Variants in PCDH15 observed in about 807,000 individuals in gnomAD.
PCDH15 encodes protocadherin-15.
Under a neutral mutation model 178.5 loss-of-function variants are expected in PCDH15, and 129 were observed. The observed-to-expected ratio is 0.72, with a 90% CI of 0.63 to 0.84. The LOEUF (loss-of-function observed/expected upper bound fraction) is 0.84. Ranked by LOEUF, PCDH15 falls within the 40% of genes least tolerant of loss-of-function variation. The pLI, the probability that PCDH15 is intolerant of heterozygous loss-of-function variation, is 0.00. For synonymous variants in PCDH15, 800 were observed against 732.0 expected (o/e 1.09, Z -1.50); for missense variants, 2,230 against 2,099.9 (o/e 1.06, Z -1.21).
At chr10:54,543,690 G>T (rs2085518801) in intron 2 of PCDH15, among the ~76,000 whole-genome samples, 1 of 151,816 alleles carries the variant, frequency 6.6e-6, no homozygotes, top group Non-Finnish European at 1.5e-5. Context: ...CTAGCCAGGG[G>T]AAAAAAAATC....
chr10:55,427,919 G>A (rs1249736265), intron 2 of PCDH15, among the ~76,000 whole-genome samples: 2 of 151,968 alleles, frequency 1.3e-5, no homozygotes, highest in Non-Finnish European at 2.9e-5. Context: ...AAATGTATAA[G>A]GTTATGATCT....
At chr10:54,698,446 C>T (rs1193480420) in intron 1 of PCDH15, among the ~76,000 whole-genome samples, 1 of 152,044 alleles carries the variant, frequency 6.6e-6, no homozygotes, top group African/African-American at 2.4e-5. Flanking sequence ...TAGAAGGATT[C>T]CGAGGGTGTC....
In PCDH15 at chr10:55,255,570, C is replaced by G. The variant is rs1841973225; in HGVS notation, c.-156+64029G>C. ...TTGAACTAGTTTACACTCCCACCAACAGTGTAAAAGTGTTCCTATTTCTCC... is the reference window on the plus strand; with the variant it reads ...TTGAACTAGTTTACACTCCCACCAAGAGTGTAAAAGTGTTCCTATTTCTCC... On this transcript the variant is annotated intron_variant, in intron 1 of 5. Transcript: ENST00000458638. Among the ~76,000 whole-genome samples the G allele has an allele frequency of 2.6e-5, 4 of 152,134 alleles. No individual in the cohort carries two copies. In the South Asian group the frequency reaches 8.3e-4, roughly 31 times the overall value.
chr10:53,915,339 T>C (rs540113081), intron 25 of PCDH15, among the ~76,000 whole-genome samples: 5 of 151,670 alleles, frequency 3.3e-5, no homozygotes, highest in Admixed American at 1.3e-4. Context: ...AGCTATATTT[T>C]TATATACTAT....
intron 8 of PCDH15, among the ~76,000 whole-genome samples, chr10:54,281,896 T>A (rs1322692929): frequency 6.6e-6 from 1 of 152,002 alleles, no homozygotes; most frequent in Non-Finnish European, 1.5e-5. Flanking sequence ...ACAAAAAAAA[T>A]TCAGTAACTC....
chr10:55,001,744 A>G (rs868230768), intron 2 of PCDH15, among the ~76,000 whole-genome samples: 1 of 152,292 alleles, frequency 6.6e-6, no homozygotes. Flanking sequence ...ACAGCCTGCC[A>G]GGCCAAGTAG....
At chr10:55,050,849 T>A (rs927753764) in intron 2 of PCDH15, among the ~76,000 whole-genome samples, 1 of 152,108 alleles carries the variant, frequency 6.6e-6, no homozygotes, top group African/African-American at 2.4e-5. Flanking sequence ...GAACTTCTCA[T>A]ACTGCAAATT....
chr10:53,833,777 G>A (rs147115166), intron 29 of PCDH15, among the ~76,000 whole-genome samples: 270 of 151,620 alleles, frequency 1.8e-3, no homozygotes, highest in African/African-American at 5.9e-3. Context: ...TATTTTAATC[G>A]TCCTATAAAT....
chr10:54,441,946 T>A (rs1317879706), intron 3 of PCDH15, among the ~76,000 whole-genome samples: 5 of 151,768 alleles, frequency 3.3e-5, no homozygotes, highest in Admixed American at 2.6e-4. Context: ...CATATTCCTC[T>A]CTATCTGCTC....
At chr10:54,295,867 G>A (rs192345054) in intron 8 of PCDH15, among the ~76,000 whole-genome samples, 2,072 of 151,370 alleles carry the variant, frequency 0.014, 53 homozygotes, top group South Asian at 0.045. Context: ...GTTGGTGGCC[G>A]GGCGCGGTGG....
chr10:54,445,068 T>C (rs141038040), intron 3 of PCDH15, among the ~76,000 whole-genome samples: 37 of 151,308 alleles, frequency 2.4e-4, no homozygotes, highest in South Asian at 6.2e-4. Context: ...TGTCTACTGC[T>C]TGTCCTGGGT....
At chr10:54,410,491 AT>A (rs1196316120) in intron 3 of PCDH15, among the ~76,000 whole-genome samples, 1 of 152,190 alleles carries the variant, frequency 6.6e-6, no homozygotes, top group Non-Finnish European at 1.5e-5. Context: ...AGTTGGGAAT[AT>A]TCTAACAGCA....
At chr10:54,509,898 C>T (rs905000420) in intron 3 of PCDH15, among the ~76,000 whole-genome samples, 5 of 152,134 alleles carry the variant, frequency 3.3e-5, no homozygotes, top group Non-Finnish European at 4.4e-5. Context: ...CATATGTCTT[C>T]GAAACTTTCT....
intron 10 of PCDH15, among the ~76,000 whole-genome samples, chr10:54,200,731 T>C (rs1276268662): frequency 6.6e-6 from 1 of 152,200 alleles, no homozygotes; most frequent in African/African-American, 2.4e-5. Flanking sequence ...GTTCTCTTCC[T>C]ATTTTACTAC....
At chr10:54,858,993 T>C (rs1292024927) in intron 3 of PCDH15, among the ~76,000 whole-genome samples, 1 of 152,116 alleles carries the variant, frequency 6.6e-6, no homozygotes, top group Non-Finnish European at 1.5e-5. Flanking sequence ...CATAGCTTTA[T>C]GTATCCTGTG....
intron 1 of PCDH15, among the ~76,000 whole-genome samples, chr10:55,177,887 G>A (rs920811505): frequency 6.6e-6 from 1 of 152,044 alleles, no homozygotes; most frequent in Non-Finnish European, 1.5e-5. Context: ...TATAGAACAA[G>A]AGATCCATAA....
intron 2 of PCDH15, among the ~76,000 whole-genome samples, chr10:55,541,730 T>C (rs1321900313): frequency 2.0e-5 from 3 of 151,898 alleles, no homozygotes; most frequent in African/African-American, 4.8e-5. Context: ...AAATTGACAC[T>C]ATTCATTTTT....
intron 1 of PCDH15, among the ~76,000 whole-genome samples, chr10:55,254,801 G>A (rs187046029): frequency 6.3e-4 from 96 of 152,278 alleles, no homozygotes; most frequent in Non-Finnish European, 5.4e-4. Flanking sequence ...GAAGAAATGA[G>A]CAGCATCTGC....
intron 2 of PCDH15, among the ~76,000 whole-genome samples, chr10:55,559,815 T>C (rs187555544): frequency 1.3e-3 from 201 of 152,054 alleles, no homozygotes; most frequent in African/African-American, 4.6e-3. Context: ...AATGACAGAA[T>C]TTTTCCTAAT....
Sources: gnomAD v4.1 joint callset for allele counts (sites outside exome capture counted in the v4.1 genomes callset) on GRCh38, gnomAD v4.1.1 for gene constraint, MANE v1.5 for transcripts, NCBI Gene and HGNC (gene_info 2026-07-23, HGNC 2026-07-21) for gene names.